Variants in GRM7 observed in about 807,000 individuals in gnomAD.
The protein encoded by GRM7 is metabotropic glutamate receptor 7.
A neutral mutation model predicts 84.5 loss-of-function variants in GRM7; 35 were observed. That is an observed-to-expected ratio of 0.41 (90% CI 0.32 to 0.55). The LOEUF (loss-of-function observed/expected upper bound fraction) is 0.55, where lower values mean the gene tolerates loss of function less well. GRM7 is among the 20% of genes least tolerant of loss of function. The pLI is 0.19. For synonymous variants in GRM7, 487 were observed against 455.1 expected, an observed-to-expected ratio of 1.07 and a Z score of -0.89; for missense variants, 1,003 against 1,194.6, an observed-to-expected ratio of 0.84 and a Z score of 2.36.
At chr3:7,573,732 C>G (rs972136055) in intron 7 of GRM7, among the ~76,000 whole-genome samples, 1 of 152,158 alleles carries the variant, frequency 6.6e-6, no homozygotes, top group African/African-American at 2.4e-5. Flanking sequence ...GCAATGGAGT[C>G]AAAGCTGATT....
chr3:7,256,163 T>C (rs770237335), intron 2 of GRM7, among the ~76,000 whole-genome samples: 2 of 152,172 alleles, frequency 1.3e-5, no homozygotes, highest in Non-Finnish European at 2.9e-5. Context: ...TTTGCTTACT[T>C]GTCTCCTTAT....
chr3:7,656,956 T>C (rs1559468880), intron 8 of GRM7, among the ~76,000 whole-genome samples: 1 of 151,330 alleles, frequency 6.6e-6, no homozygotes, highest in South Asian at 2.1e-4. Flanking sequence ...ACTGAAAACA[T>C]AGTATTTACT....
intron 1 of GRM7, among the ~76,000 whole-genome samples, chr3:7,065,113 T>C (rs1697606662): frequency 6.6e-6 from 1 of 151,894 alleles, no homozygotes. Flanking sequence ...GTACAGATTG[T>C]GAAGATTTTC....
intron 9 of GRM7, among the ~76,000 whole-genome samples, chr3:7,683,415 C>T (rs3804837): frequency 0.025 from 3,766 of 152,212 alleles, 123 homozygotes; most frequent in East Asian, 0.09. Context: ...TTTCTCACCA[C>T]CAGCTGGAAA....
chr3:7,345,574 G>T (rs1326363490), intron 4 of GRM7, among the ~76,000 whole-genome samples: 1 of 152,118 alleles, frequency 6.6e-6, no homozygotes, highest in African/African-American at 2.4e-5. Flanking sequence ...AAGAGCCACT[G>T]TGCCCAGCCC....
At chr3:7,057,349 T>C (rs986251372) in intron 1 of GRM7, among the ~76,000 whole-genome samples, 2 of 152,002 alleles carry the variant, frequency 1.3e-5, no homozygotes, top group African/African-American at 2.4e-5. Context: ...TTTTTTCAAC[T>C]AACCTATTCT....
At chr3:7,425,100 C>T (rs1170068967) in intron 5 of GRM7, among the ~76,000 whole-genome samples, 1 of 152,116 alleles carries the variant, frequency 6.6e-6, no homozygotes, top group Non-Finnish European at 1.5e-5. Context: ...TTTTCGGTAA[C>T]TTCGTAGTTT....
intron 1 of GRM7, among the ~76,000 whole-genome samples, chr3:6,944,688 A>G (rs1697999852): frequency 6.6e-6 from 1 of 152,146 alleles, no homozygotes; most frequent in Non-Finnish European, 1.5e-5. Context: ...AAATTTAGCC[A>G]TGTGGAATGA....
At chr3:7,284,867 C>A (rs11924435) in intron 2 of GRM7, among the ~76,000 whole-genome samples, 5,044 of 151,998 alleles carry the variant, frequency 0.033, 294 homozygotes, top group African/African-American at 0.12. Flanking sequence ...TTTTGGAGTT[C>A]TCTGAGTTCA....
chr3:7,446,460 T>G (rs537410361), intron 5 of GRM7, among the ~76,000 whole-genome samples: 12 of 120,004 alleles, frequency 1.0e-4, no homozygotes, highest in East Asian at 8.1e-4. Context: ...GTTTTTTTTT[T>G]TTTGTTTTTT....
chr3:7,064,023 G>A (rs1408505514), intron 1 of GRM7, among the ~76,000 whole-genome samples: 1 of 151,640 alleles, frequency 6.6e-6, no homozygotes, highest in African/African-American at 2.4e-5. Flanking sequence ...GATCTAAGCT[G>A]ACAGAGGATT....
chr3:7,094,299 G>A (rs1394385617), intron 1 of GRM7, among the ~76,000 whole-genome samples: 2 of 152,044 alleles, frequency 1.3e-5, no homozygotes, highest in South Asian at 2.1e-4. Flanking sequence ...ACATCCAACC[G>A]ACATAATTGG....
At position 7,151,299 on chromosome 3, in the gene GRM7, G is replaced by A. The variant is rs1169585762; in HGVS notation, c.736+4631G>A. 6.6e-6 allele frequency among the ~76,000 whole-genome samples: 1 copy of A among 151,990 alleles called. No individual in the cohort carries two copies. Among genetic ancestry groups the A allele is most frequent in the South Asian group, 2.1e-4 (1 of 4,824 alleles). ...GCATGCACCTGTAATCCCAGCTACT[G>A]GCGAGGCTGAGGCGGGAGAACTGCT... On this transcript the variant is annotated intron_variant, in intron 2 of 9. Coordinates refer to ENST00000357716, the MANE Select transcript of GRM7 (RefSeq NM_000844.4). This position sits in a 1 kb window ranked among gnomAD's most constrained non-coding sequence, Gnocchi z 4.5.
intron 9 of GRM7, among the ~76,000 whole-genome samples, chr3:7,713,795 CTTTTTTTTTTTTTTTT>C (rs60007117): frequency 3.1e-5 from 2 of 64,744 alleles, no homozygotes; most frequent in African/African-American, 1.0e-4. Flanking sequence ...CGGATGCTTT[CTTTTTTTTTTTTTTTT>C]TTTTTTTTTT....
intron 1 of GRM7, among the ~76,000 whole-genome samples, chr3:7,022,393 T>C (rs570139982): frequency 1.1e-5 from 1 of 87,362 alleles, no homozygotes; most frequent in Admixed American, 1.1e-4. Flanking sequence ...ACACCAGTGG[T>C]CAATGATATC....
intron 1 of GRM7, among the ~76,000 whole-genome samples, chr3:6,871,540 G>A (rs1019880810): frequency 6.6e-6 from 1 of 151,188 alleles, no homozygotes; most frequent in Non-Finnish European, 1.5e-5. Context: ...AAAATATGAC[G>A]GGAAATTTTA....
chr3:7,229,921 G>A (rs1279959131), intron 2 of GRM7, among the ~76,000 whole-genome samples: 2 of 136,030 alleles, frequency 1.5e-5, no homozygotes, highest in Non-Finnish European at 3.1e-5. Flanking sequence ...CTCACTGCAA[G>A]CTCCGCCTCC....
In GRM7 at chr3:6,864,247, C is replaced by T. The variant is rs138989079; in HGVS notation, c.519+2340C>T. 1.5e-3 allele frequency among the ~76,000 whole-genome samples: 234 copies of T among 152,314 alleles called. 1 individual carries two copies. Among genetic ancestry groups the T allele is most frequent in the Non-Finnish European group, 2.7e-3 (184 of 68,028 alleles). On this transcript the variant is annotated intron_variant, in intron 1 of 9. Transcript: ENST00000357716. ...AGAGGCTGGTAGTCTGAGGAATGCA[C>T]CAACTTGTAGCTTGGGATGCATGCA...
At chr3:7,340,716 T>A (rs1428512507) in intron 4 of GRM7, among the ~76,000 whole-genome samples, 1 of 152,168 alleles carries the variant, frequency 6.6e-6, no homozygotes, top group Non-Finnish European at 1.5e-5. Flanking sequence ...GATTAATCAC[T>A]TTTGCCACTT....
Sources: allele counts gnomAD v4.1 joint callset (sites outside exome capture counted in the v4.1 genomes callset), GRCh38; gene constraint gnomAD v4.1.1; non-coding constraint Gnocchi (gnomAD v3.1); transcripts MANE v1.5; gene names NCBI Gene and HGNC (gene_info 2026-07-23, HGNC 2026-07-21).